SPON1: variants seen among roughly 807,000 people sequenced by gnomAD.
SPON1 encodes spondin 1.
SPON1 carries 52 observed loss-of-function variants against 111.7 expected under a neutral mutation model. That is an observed-to-expected ratio of 0.47 (90% CI 0.37 to 0.59). The LOEUF is 0.59. Ranked by LOEUF, SPON1 falls within the 20% of genes least tolerant of loss-of-function variation. The pLI, the probability that SPON1 is intolerant of heterozygous loss-of-function variation, is 0.00. For synonymous variants in SPON1, 410 were observed against 395.8 expected, an observed-to-expected ratio of 1.04 and a Z score of -0.43; for missense variants, 957 against 1,068.5, an observed-to-expected ratio of 0.90 and a Z score of 1.46.
At chr11:14,190,351 A>G (rs1848331832) in intron 6 of SPON1, among the ~76,000 whole-genome samples, 1 of 152,108 alleles carries the variant, frequency 6.6e-6, no homozygotes, top group Non-Finnish European at 1.5e-5. Context: ...AATAATCACT[A>G]TTTCAAATCA....
chr11:14,198,946 A>G (rs1848432104), intron 6 of SPON1, among the ~76,000 whole-genome samples: 1 of 152,220 alleles, frequency 6.6e-6, no homozygotes, highest in Non-Finnish European at 1.5e-5. Flanking sequence ...AAAGATGACC[A>G]GAGATAAATC....
At chr11:14,155,844 G>T (rs199587797) in intron 6 of SPON1, among the ~76,000 whole-genome samples, 1 of 125,088 alleles carries the variant, frequency 8.0e-6, no homozygotes, top group Non-Finnish European at 1.8e-5. Context: ...ATTTTTTATG[G>T]CTGCATAGTA....
At chr11:14,012,957 G>A (rs1554913881) in intron 2 of SPON1, among the ~76,000 whole-genome samples, 3 of 152,150 alleles carry the variant, frequency 2.0e-5, no homozygotes, top group South Asian at 4.2e-4. Flanking sequence ...TACTGAAGAG[G>A]TGTTGCTGGT....
At chr11:13,984,825 T>G (rs1848170051) in intron 2 of SPON1, among the ~76,000 whole-genome samples, 1 of 152,222 alleles carries the variant, frequency 6.6e-6, no homozygotes, top group South Asian at 2.1e-4. Flanking sequence ...GGGCAGCGCA[T>G]AAATATTTGC....
rs185411557 is a variant in SPON1, at chr11:14,155,237, G to A, written c.825+19669G>A. Reference sequence around the variant, plus strand: ...TTACACATTTTCAAGTATCTTTGTCGCAATGCCCCACTCCAGGTACCAATT... The same window carrying A: ...TTACACATTTTCAAGTATCTTTGTCACAATGCCCCACTCCAGGTACCAATT... On this transcript the variant is annotated intron_variant, in intron 6 of 15. Coordinates refer to ENST00000576479, the MANE Select transcript of SPON1 (RefSeq NM_006108.4). Among the ~76,000 whole-genome samples, 369 of 152,172 alleles carry A rather than the reference G, an allele frequency of 2.4e-3. 1 individual carries two copies. The highest frequency in any genetic ancestry group is 7.8e-3 in the African/African-American group (323 of 41,520).
intron 6 of SPON1, among the ~76,000 whole-genome samples, chr11:14,137,416 T>C (rs1847605232): frequency 6.6e-6 from 1 of 152,118 alleles, no homozygotes; most frequent in African/African-American, 2.4e-5. Flanking sequence ...ATAATAAGTT[T>C]AATTATGGGT....
chr11:14,224,709 G>C (rs1554937945), intron 6 of SPON1: 2 of 490,088 alleles, frequency 4.1e-6, no homozygotes, highest in South Asian at 3.1e-5. Context: ...GATGAGGATG[G>C]TGGTGGCTGG....
At chr11:14,112,006 C>T (rs1383310014) in intron 5 of SPON1, among the ~76,000 whole-genome samples, 10 of 151,512 alleles carry the variant, frequency 6.6e-5, no homozygotes, top group African/African-American at 1.5e-4. Context: ...ACCTTTTGTG[C>T]CAGAGACACC....
At position 14,122,642 on chromosome 11, in the gene SPON1, T is replaced by C. The variant is rs559333804; in HGVS notation, c.677-12778T>C. Among the ~76,000 whole-genome samples, 5 of 152,256 alleles carry C rather than the reference T, an allele frequency of 3.3e-5. 1 individual carries two copies. The South Asian group carries it at 1.0e-3, about 32-fold the overall frequency. On this transcript the variant is annotated intron_variant, in intron 5 of 15. Transcript: ENST00000576479. Reference sequence around the variant, plus strand: ...ATTTTGAATTGTTTTCATCACCCTATCTTTTAGTTCACTGATCTTTTCCTT... The same window carrying C: ...ATTTTGAATTGTTTTCATCACCCTACCTTTTAGTTCACTGATCTTTTCCTT...
chr11:14,080,092 A>C (rs1554921900), intron 5 of SPON1, 71 bp downstream of exon 5: 1 of 1,581,600 alleles, frequency 6.3e-7, no homozygotes, highest in African/African-American at 1.3e-5. Context: ...TATAGGGCAC[A>C]CTAGCTGCAG....
chr11:13,995,864 G>C (rs781947960), intron 2 of SPON1, among the ~76,000 whole-genome samples: 1 of 152,212 alleles, frequency 6.6e-6, no homozygotes, highest in Non-Finnish European at 1.5e-5. Flanking sequence ...CTGTTAGAAA[G>C]AACCATATTG....
At chr11:14,248,845 C>A (rs1218351111) in intron 7 of SPON1, among the ~76,000 whole-genome samples, 2 of 152,128 alleles carry the variant, frequency 1.3e-5, no homozygotes, top group African/African-American at 4.8e-5. Context: ...AAAGGACAGC[C>A]ATGAATGAGC....
At chr11:14,056,413 A>T (rs1048479887) in intron 3 of SPON1, among the ~76,000 whole-genome samples, 6 of 152,340 alleles carry the variant, frequency 3.9e-5, no homozygotes, top group Admixed American at 3.9e-4. Flanking sequence ...CTTAGGACAA[A>T]AACTGTACAT....
In SPON1 at chr11:14,230,749, T is replaced by C. The variant is rs116885601; in HGVS notation, c.826-12583T>C. Among the ~76,000 whole-genome samples the C allele has an allele frequency of 8.7e-4, 124 of 142,974 alleles. 1 individual carries two copies. In the East Asian group the frequency reaches 0.022, roughly 25 times the overall value. The allele number at this position is 142,974 out of a possible 152,430, so 93.8% of individuals were successfully genotyped here. A position where few individuals can be genotyped will look rare whatever the true frequency, so the allele number is the denominator to read the frequency against. ...GACCTTTTCTTTTTACTTTCCATTT[T>C]TCTTTCTCTCTCTCTTTCCTTCCTT... On this transcript the variant is annotated intron_variant, in intron 6 of 15. Transcript: ENST00000576479.
intron 2 of SPON1, among the ~76,000 whole-genome samples, chr11:14,017,667 T>A (rs1848452964): frequency 6.6e-6 from 1 of 152,236 alleles, no homozygotes; most frequent in Non-Finnish European, 1.5e-5. Flanking sequence ...CAGGGCCATT[T>A]GAGCCCTAGT....
At chr11:14,163,769 G>A (rs570962349) in intron 6 of SPON1, among the ~76,000 whole-genome samples, 2 of 152,092 alleles carry the variant, frequency 1.3e-5, no homozygotes, top group Admixed American at 1.3e-4. Context: ...CCCGTGCTGT[G>A]GTGGGAACCA....
At chr11:14,119,803 G>A (rs1454763964) in intron 5 of SPON1, among the ~76,000 whole-genome samples, 1 of 152,166 alleles carries the variant, frequency 6.6e-6, no homozygotes, top group African/African-American at 2.4e-5. Flanking sequence ...TACCTGCACA[G>A]TTGGTTCTTA....
At chr11:14,215,535 G>T (rs1554937086) in intron 6 of SPON1, among the ~76,000 whole-genome samples, 1 of 152,138 alleles carries the variant, frequency 6.6e-6, no homozygotes, top group Non-Finnish European at 1.5e-5. Context: ...GGTCCTCAAA[G>T]GCAGTATTAC....
chr11:14,241,911 A>G (rs1848931376), intron 6 of SPON1, among the ~76,000 whole-genome samples: 1 of 151,952 alleles, frequency 6.6e-6, no homozygotes, highest in Non-Finnish European at 1.5e-5. Flanking sequence ...TTTTCATCTG[A>G]TGGAAAGAGG....
Sources: allele counts gnomAD v4.1 joint callset (sites outside exome capture counted in the v4.1 genomes callset), GRCh38; gene constraint gnomAD v4.1.1; transcripts MANE v1.5; gene names NCBI Gene and HGNC (gene_info 2026-07-23, HGNC 2026-07-21).